PTPRD: variants seen among roughly 807,000 people sequenced by gnomAD.
The protein encoded by PTPRD is receptor-type tyrosine-protein phosphatase delta.
Under a neutral mutation model 214.5 loss-of-function variants are expected in PTPRD, and 34 were observed. That is an observed-to-expected ratio of 0.16 (90% CI 0.12 to 0.21). The LOEUF is 0.21. Among genes scored for constraint, PTPRD ranks in the 10% least tolerant of loss-of-function variants. The pLI is 1.00. For synonymous variants in PTPRD, 1,128 were observed against 845.7 expected, an observed-to-expected ratio of 1.33 and a Z score of -5.79; for missense variants, 2,545 against 2,398.7, an observed-to-expected ratio of 1.06 and a Z score of -1.27.
chr9:9,805,838 A>C (rs1032371757), intron 5 of PTPRD, among the ~76,000 whole-genome samples: 2 of 152,186 alleles, frequency 1.3e-5, no homozygotes, highest in African/African-American at 4.8e-5. Flanking sequence ...ATTGAGTGAG[A>C]AATAGAGCTT....
chr9:9,549,721 C>A (rs2154280902), intron 8 of PTPRD, among the ~76,000 whole-genome samples: 2 of 152,146 alleles, frequency 1.3e-5, no homozygotes, highest in Non-Finnish European at 2.9e-5. Context: ...GATGGTGGAA[C>A]AATTGAACAT....
At chr9:8,782,937 A>G (rs1304707557) in intron 11 of PTPRD, among the ~76,000 whole-genome samples, 1 of 152,110 alleles carries the variant, frequency 6.6e-6, no homozygotes, top group African/African-American at 2.4e-5. Context: ...CTACGTAGCC[A>G]GAAAAGCTCC....
At chr9:8,776,884 TG>T (rs202119076) in intron 11 of PTPRD, among the ~76,000 whole-genome samples, 6,419 of 147,618 alleles carry the variant, frequency 0.043, 216 homozygotes, top group African/African-American at 0.088. Flanking sequence ...GTATAGTATA[TG>T]AATATTATAT....
At chr9:9,010,500 G>C (rs947355980) in intron 11 of PTPRD, among the ~76,000 whole-genome samples, 3 of 152,118 alleles carry the variant, frequency 2.0e-5, no homozygotes, top group Admixed American at 6.6e-5. Flanking sequence ...CAGAATATTA[G>C]AAGATAAAAG....
intron 31 of PTPRD, among the ~76,000 whole-genome samples, chr9:8,466,897 C>G (rs990038430): frequency 2.0e-5 from 3 of 151,650 alleles, no homozygotes; most frequent in African/African-American, 4.8e-5. Context: ...GAATGAGAGC[C>G]TGGCATGATC....
intron 27 of PTPRD, among the ~76,000 whole-genome samples, chr9:8,487,234 A>C (rs1591766839): frequency 1.3e-5 from 2 of 152,310 alleles, no homozygotes; most frequent in South Asian, 4.1e-4. Flanking sequence ...TGAATATTAA[A>C]CTTCTTATGG....
chr9:9,321,791 T>C (rs1966702629), intron 9 of PTPRD, among the ~76,000 whole-genome samples: 1 of 152,156 alleles, frequency 6.6e-6, no homozygotes, highest in Non-Finnish European at 1.5e-5. Context: ...GTCTATGTCA[T>C]ATGGTTGTTG....
At chr9:9,989,064 T>C (rs1281860615) in intron 4 of PTPRD, among the ~76,000 whole-genome samples, 2 of 146,346 alleles carry the variant, frequency 1.4e-5, no homozygotes, top group Non-Finnish European at 3.0e-5. Context: ...TTTACACAGT[T>C]GCACCCAAAG....
chr9:10,448,741 A>T (rs1339214548), intron 2 of PTPRD, among the ~76,000 whole-genome samples: 1 of 151,988 alleles, frequency 6.6e-6, no homozygotes, highest in African/African-American at 2.4e-5. Flanking sequence ...GCAAAGTGGA[A>T]AGAGTCTTTA....
At chr9:9,152,261 T>G (rs1272880081) in intron 10 of PTPRD, among the ~76,000 whole-genome samples, 1 of 152,208 alleles carries the variant, frequency 6.6e-6, no homozygotes, top group Non-Finnish European at 1.5e-5. Context: ...TGAATGCACA[T>G]GTAGAGACAT....
intron 2 of PTPRD, among the ~76,000 whole-genome samples, chr9:10,418,905 G>A (rs932880292): frequency 2.6e-5 from 4 of 151,772 alleles, no homozygotes; most frequent in African/African-American, 9.7e-5. Context: ...CAGTATCAAG[G>A]AAAGAGGGCC....
chr9:9,718,719 C>G (rs1299895432), intron 7 of PTPRD, among the ~76,000 whole-genome samples: 1 of 152,216 alleles, frequency 6.6e-6, no homozygotes, highest in East Asian at 1.9e-4. Flanking sequence ...TCAGGTGTGC[C>G]TGTACTTGGG....
chr9:8,578,478 G>C (rs12346041), intron 14 of PTPRD, among the ~76,000 whole-genome samples: 25,111 of 151,898 alleles, frequency 0.17, 2,375 homozygotes, highest in Middle Eastern at 0.28. Flanking sequence ...AATTTAATTC[G>C]GTGTTTGCAA....
At chr9:10,245,726 GTA>G (rs1020933000) in intron 3 of PTPRD, among the ~76,000 whole-genome samples, 65 of 152,256 alleles carry the variant, frequency 4.3e-4, no homozygotes, top group African/African-American at 1.5e-3. Flanking sequence ...TAATCTATGT[GTA>G]TATGTGTGTG....
chr9:9,492,478 T>C (rs1301651004), intron 8 of PTPRD, among the ~76,000 whole-genome samples: 1 of 152,122 alleles, frequency 6.6e-6, no homozygotes, highest in African/African-American at 2.4e-5. Flanking sequence ...ATGATGTTTA[T>C]TCCTGGAATG....
intron 11 of PTPRD, among the ~76,000 whole-genome samples, chr9:8,821,664 A>C (rs193278772): frequency 6.6e-6 from 1 of 152,124 alleles, no homozygotes; most frequent in Non-Finnish European, 1.5e-5. Flanking sequence ...CATCCATCCA[A>C]TAAGTTCCTT....
At chr9:9,764,617 A>G (rs1215712341) in intron 6 of PTPRD, among the ~76,000 whole-genome samples, 2 of 152,190 alleles carry the variant, frequency 1.3e-5, no homozygotes, top group Non-Finnish European at 2.9e-5. Context: ...GTAAAATCAT[A>G]TTTATTATAT....
intron 12 of PTPRD, among the ~76,000 whole-genome samples, chr9:8,660,371 C>T (rs1024710699): frequency 2.0e-5 from 3 of 152,114 alleles, no homozygotes; most frequent in African/African-American, 7.2e-5. Context: ...TGGCTCCGTT[C>T]GTAACAGTGC....
intron 10 of PTPRD, among the ~76,000 whole-genome samples, chr9:9,063,968 G>A (rs1207382556): frequency 7.2e-5 from 11 of 152,104 alleles, no homozygotes; most frequent in Non-Finnish European, 4.4e-5. Flanking sequence ...CTGAATCCTA[G>A]AGTATTACTT....
Sources: gnomAD v4.1 joint callset for allele counts (sites outside exome capture counted in the v4.1 genomes callset) on GRCh38, gnomAD v4.1.1 for gene constraint, MANE v1.5 for transcripts, NCBI Gene and HGNC (gene_info 2026-07-23, HGNC 2026-07-21) for gene names.